The following TAF4B variants were observed in gnomAD, a reference collection of about 807,000 sequenced individuals.
The protein encoded by TAF4B is TATA-box binding protein associated factor 4b.
A neutral mutation model predicts 86.4 loss-of-function variants in TAF4B; 38 were observed. The observed-to-expected ratio is 0.44, with a 90% CI of 0.34 to 0.58. The LOEUF is 0.58. Among genes scored for constraint, TAF4B ranks in the 20% least tolerant of loss-of-function variants. The pLI, the probability that TAF4B is intolerant of heterozygous loss-of-function variation, is 0.02. For missense variants in TAF4B, 988 were observed against 1,027.6 expected (o/e 0.96, Z 0.53); for synonymous variants, 388 against 391.2 (o/e 0.99, Z 0.10).
chr18:26,278,596 A>G lies in TAF4B; in HGVS notation c.883-3375A>G, dbSNP rs977761604. Among the ~76,000 whole-genome samples, 6 of 146,480 alleles carry G rather than the reference A, an allele frequency of 4.1e-5. No homozygotes were observed. In the Admixed American group the frequency reaches 4.2e-4, roughly 10 times the overall value. On this transcript the variant is annotated intron_variant, in intron 5 of 14. Coordinates refer to ENST00000269142, the MANE Select transcript of TAF4B (RefSeq NM_005640.3). ...AGTACTGGGATTACAGGTGTGAGCC[A>G]CTGTGCTTGGCCTTCTGTTGTTTTT...
At chr18:26,268,116 A>T (rs916108185) in intron 3 of TAF4B, among the ~76,000 whole-genome samples, 3 of 152,156 alleles carry the variant, frequency 2.0e-5, no homozygotes, top group African/African-American at 7.2e-5. Flanking sequence ...CTTTCCTGGG[A>T]AAGTTACCTT....
At chr18:26,236,725 C>A (rs150604037) in intron 1 of TAF4B, among the ~76,000 whole-genome samples, 44 of 152,266 alleles carry the variant, frequency 2.9e-4, no homozygotes, top group Admixed American at 1.2e-3. Context: ...ACTAAGGCTG[C>A]GGCCTTTCTC....
At chr18:26,365,287 G>A (rs1406779652) in intron 14 of TAF4B, among the ~76,000 whole-genome samples, 4 of 152,134 alleles carry the variant, frequency 2.6e-5, no homozygotes, top group African/African-American at 4.8e-5. Context: ...GATTACAGAC[G>A]TGAGCCACCG....
In TAF4B at chr18:26,321,563, C is replaced by G. The variant is rs1677000; in HGVS notation, c.2133+363C>G. ...ATTCCTGTTCCTTTTTTTTTTTTTG[C>G]CTTTCAGTTTTCCAGAGATTGATTT... On this transcript the variant is annotated intron_variant, in intron 11 of 14. Transcript: ENST00000269142. Among the ~76,000 whole-genome samples, 3 of 139,398 alleles carry G rather than the reference C, an allele frequency of 2.2e-5. No individual in the cohort carries two copies. The Admixed American group carries it at 2.2e-4, about 10-fold the overall frequency. The allele number at this position is 139,398 out of a possible 152,430, so 91.5% of individuals were successfully genotyped here.
Position 26,275,059 on chromosome 18 carries a change from T to C in TAF4B, c.882+6T>C. 2 of 1,605,926 alleles carry C rather than the reference T, an allele frequency of 1.2e-6. No individual in the cohort carries two copies. Among genetic ancestry groups the C allele is most frequent in the Non-Finnish European group, 1.7e-6 (2 of 1,178,364 alleles). On this transcript the variant is annotated splice_donor_region_variant and intron_variant, in intron 5 of 14. Coordinates refer to ENST00000269142, the MANE Select transcript of TAF4B (RefSeq NM_005640.3). ...AGCTGGTGGAACAACTTTTGGTAAG[T>C]AGTGCTATAAAATCCTGCAAATTCT...
At position 26,315,157 on chromosome 18, in the gene TAF4B, T is replaced by TCA. The variant is rs1372151453; in HGVS notation, c.1833-71_1833-70insAC. On this transcript the variant is annotated intron_variant, in intron 9 of 14. Coordinates refer to ENST00000269142, the MANE Select transcript of TAF4B (RefSeq NM_005640.3). ...CTCTCTCTCTCTCTGTCTCTCTCTC[T>TCA]CTCTCACACACACACACACACACAC... 9.2e-5 allele frequency: 41 copies of TCA among 446,390 alleles called. 1 individual carries two copies. Among genetic ancestry groups the TCA allele is most frequent in the African/African-American group, 7.7e-4 (26 of 33,748 alleles). 27.7% of individuals were successfully genotyped at this position (446,390 alleles called of 1,614,324 possible).
chr18:26,341,130 G>T (rs919273000), intron 13 of TAF4B, among the ~76,000 whole-genome samples: 2 of 152,038 alleles, frequency 1.3e-5, no homozygotes, highest in African/African-American at 4.8e-5. Flanking sequence ...TGGAAGTAAA[G>T]TATCTTGGAT....
At chr18:26,328,442 C>T (rs1406362538) in intron 12 of TAF4B, among the ~76,000 whole-genome samples, 1 of 151,802 alleles carries the variant, frequency 6.6e-6, no homozygotes, top group Non-Finnish European at 1.5e-5. Flanking sequence ...GAGCAAGACT[C>T]CATCTCCAAA....
At position 26,321,172 on chromosome 18, in the gene TAF4B, T is replaced by C; in HGVS notation, c.2105T>C (p.Ile702Thr). 1 of 1,613,804 alleles carries C rather than the reference T, an allele frequency of 6.2e-7. No homozygotes were observed. The highest frequency in any genetic ancestry group is 1.3e-5 in the African/African-American group (1 of 75,034). Residue 702 changes from isoleucine to threonine, a missense_variant, in exon 11 of 15, where the codon ATT (isoleucine) becomes ACT (threonine). Ile to Thr is a moderately conservative substitution (Grantham distance 89). Coordinates refer to ENST00000269142, the MANE Select transcript of TAF4B (RefSeq NM_005640.3). Reference sequence around the variant, plus strand: ...GGCCTTCTAGAAAAACTGACTGCAATTGCTCAGCATCGAATGACTACTTAC... The same window carrying C: ...GGCCTTCTAGAAAAACTGACTGCAACTGCTCAGCATCGAATGACTACTTAC... ...LRGLLEKLTA[I>T]AQHRMTTYKA... is the part of the protein sequence containing the mutation.
At chr18:26,244,091 C>T (rs759835007) in intron 1 of TAF4B, among the ~76,000 whole-genome samples, 2 of 152,228 alleles carry the variant, frequency 1.3e-5, no homozygotes, top group African/African-American at 4.8e-5. Context: ...AGAATCACTA[C>T]CCTCTTCAAA....
At chr18:26,258,541 A>G (rs1253811441) in intron 1 of TAF4B, among the ~76,000 whole-genome samples, 2 of 152,216 alleles carry the variant, frequency 1.3e-5, no homozygotes, top group Non-Finnish European at 2.9e-5. Flanking sequence ...GTAATAATAC[A>G]TTTATACTGC....
intron 10 of TAF4B, among the ~76,000 whole-genome samples, chr18:26,319,520 A>G (rs2056942118): frequency 6.6e-6 from 1 of 152,126 alleles, no homozygotes; most frequent in East Asian, 1.9e-4. Context: ...AAATAAAAAT[A>G]AGAAATAAAA....
rs1168903108 is a variant in TAF4B, at chr18:26,321,181, A to G, written c.2114A>G (p.His705Arg). 5.6e-6 allele frequency: 9 copies of G among 1,613,716 alleles called. No homozygotes were observed. The highest frequency in any genetic ancestry group is 1.1e-5 in the South Asian group (1 of 91,080). ...GAAAAACTGACTGCAATTGCTCAGC[A>G]TCGAATGACTACTTACAAGGTAAAG... Reference protein sequence around the residue: ...LLEKLTAIAQHRMTTYKASEN... With the variant: ...LLEKLTAIAQRRMTTYKASEN... The change falls in exon 11 of 15, where the codon CAT becomes CGT. Residue 705 changes from histidine (H) to arginine (R), a missense_variant. His to Arg is a conservative substitution (Grantham distance 29). Transcript: ENST00000269142.
intron 1 of TAF4B, among the ~76,000 whole-genome samples, chr18:26,236,708 G>A (rs2055753363): frequency 6.6e-6 from 1 of 152,028 alleles, no homozygotes; most frequent in South Asian, 2.1e-4. Context: ...TTTGTCTGAG[G>A]GCCATGACTA....
At chr18:26,366,812 A>T (rs1173467401) in intron 14 of TAF4B, among the ~76,000 whole-genome samples, 1 of 152,212 alleles carries the variant, frequency 6.6e-6, no homozygotes, top group Non-Finnish European at 1.5e-5. Context: ...AGATAGTTCA[A>T]CCTAATACAA....
chr18:26,319,558 C>T (rs971031110), intron 10 of TAF4B, among the ~76,000 whole-genome samples: 3 of 150,102 alleles, frequency 2.0e-5, no homozygotes, highest in African/African-American at 7.3e-5. Context: ...TAGAAGGCCC[C>T]ACTATTTGTT....
chr18:26,377,496 G>A (rs1227315641), intron 14 of TAF4B, among the ~76,000 whole-genome samples: 1 of 152,152 alleles, frequency 6.6e-6, no homozygotes, highest in Non-Finnish European at 1.5e-5. Flanking sequence ...AGCAAACCTT[G>A]TCATTACATG....
chr18:26,242,169 A>G (rs1405357586), intron 1 of TAF4B, among the ~76,000 whole-genome samples: 2 of 152,074 alleles, frequency 1.3e-5, no homozygotes, highest in Non-Finnish European at 2.9e-5. Flanking sequence ...TGATCTGTCT[A>G]ATGTTGACAG....
chr18:26,373,824 A>G (rs2057423152), intron 14 of TAF4B, among the ~76,000 whole-genome samples: 1 of 152,140 alleles, frequency 6.6e-6, no homozygotes, highest in East Asian at 1.9e-4. Flanking sequence ...TACTGAGTAC[A>G]ATGGCTAGGT....
Sources: allele counts gnomAD v4.1 joint callset (sites outside exome capture counted in the v4.1 genomes callset), GRCh38; gene constraint gnomAD v4.1.1; transcripts MANE v1.5; gene names NCBI Gene and HGNC (gene_info 2026-07-23, HGNC 2026-07-21).